TMEM117: variants seen among roughly 807,000 people sequenced by gnomAD.
TMEM117 encodes the protein transmembrane protein 117.
TMEM117 carries 27 observed loss-of-function variants against 52.4 expected under a neutral mutation model. That is an observed-to-expected ratio of 0.51 (90% CI 0.38 to 0.71). The LOEUF is 0.71. Among genes scored for constraint, TMEM117 ranks in the 30% least tolerant of loss-of-function variants. TMEM117 has a pLI of 0.00. For missense variants in TMEM117, 556 were observed against 630.5 expected, an observed-to-expected ratio of 0.88 and a Z score of 1.26; for synonymous variants, 215 against 206.3, an observed-to-expected ratio of 1.04 and a Z score of -0.36.
At chr12:44,265,866 G>T (rs984247845) in intron 5 of TMEM117, among the ~76,000 whole-genome samples, 1 of 151,998 alleles carries the variant, frequency 6.6e-6, no homozygotes, top group Non-Finnish European at 1.5e-5. Flanking sequence ...GGTATTTTTA[G>T]CTAGTCTTTC....
intron 4 of TMEM117, among the ~76,000 whole-genome samples, chr12:44,205,621 C>G (rs545222883): frequency 4.6e-5 from 7 of 152,156 alleles, no homozygotes; most frequent in Non-Finnish European, 8.8e-5. Context: ...AGACACTTAT[C>G]AAAGGAAGAC....
intron 5 of TMEM117, among the ~76,000 whole-genome samples, chr12:44,237,468 C>G (rs1342067072): frequency 2.6e-5 from 4 of 152,200 alleles, no homozygotes; most frequent in African/African-American, 9.6e-5. Flanking sequence ...GCCTGTAATC[C>G]TAGCACTCTG....
intron 3 of TMEM117, among the ~76,000 whole-genome samples, chr12:44,131,505 G>T (rs1278938823): frequency 6.6e-6 from 1 of 152,066 alleles, no homozygotes; most frequent in Non-Finnish European, 1.5e-5. Context: ...GGCAGAGTTT[G>T]CTCATCCTCT....
At chr12:44,281,674 A>G (rs1257193254) in intron 5 of TMEM117, among the ~76,000 whole-genome samples, 2 of 152,202 alleles carry the variant, frequency 1.3e-5, no homozygotes, top group Non-Finnish European at 2.9e-5. Flanking sequence ...AACTTGATAC[A>G]GTTAGTTAAG....
At position 44,152,844 on chromosome 12, in the gene TMEM117, A is replaced by AGGG. The variant is rs1265447025; in HGVS notation, c.510+9220_510+9221insGGG. ...TATAATGTATATATTGTATTTATAT[A>AGGG]AATACAATATATACATTATATTTAT... is the stretch of plus-strand genomic sequence containing the variant. On this transcript the variant is annotated intron_variant, in intron 4 of 7. Transcript: ENST00000266534. Among the ~76,000 whole-genome samples the AGGG allele has an allele frequency of 3.0e-4, 43 of 144,738 alleles. No individual in the cohort carries two copies. The East Asian group carries it at 5.5e-3, about 19-fold the overall frequency. The allele number at this position is 144,738 out of a possible 152,430, so 95.0% of individuals were successfully genotyped here.
chr12:43,889,169 G>A (rs1470682312), intron 2 of TMEM117, among the ~76,000 whole-genome samples: 1 of 150,520 alleles, frequency 6.6e-6, no homozygotes, highest in African/African-American at 2.5e-5. Flanking sequence ...TGCAACCTCC[G>A]CCTCCCGGGT....
intron 3 of TMEM117, among the ~76,000 whole-genome samples, chr12:44,013,272 A>G (rs1487490474): frequency 6.6e-6 from 1 of 152,058 alleles, no homozygotes; most frequent in Non-Finnish European, 1.5e-5. Context: ...TCAAGTGATC[A>G]GCCTGCAGCC....
At chr12:44,384,606 A>G (rs1317410669) in intron 7 of TMEM117, among the ~76,000 whole-genome samples, 2 of 152,206 alleles carry the variant, frequency 1.3e-5, no homozygotes, top group African/African-American at 4.8e-5. Flanking sequence ...GCATATTTAC[A>G]TAGAGCCACA....
chr12:43,848,403 C>A (rs773221542), intron 2 of TMEM117, among the ~76,000 whole-genome samples: 18 of 152,044 alleles, frequency 1.2e-4, no homozygotes, highest in Non-Finnish European at 2.4e-4. Context: ...CGTTTATAGA[C>A]CTCCCCCCAG....
At chr12:43,908,333 G>C (rs1448309927) in intron 2 of TMEM117, among the ~76,000 whole-genome samples, 2 of 74,320 alleles carry the variant, frequency 2.7e-5, no homozygotes, top group African/African-American at 5.9e-5. Context: ...CCCTAAAAGA[G>C]CTCCTGAAGG....
intron 3 of TMEM117, among the ~76,000 whole-genome samples, chr12:44,103,770 G>A (rs1947904157): frequency 1.3e-5 from 2 of 151,996 alleles, no homozygotes; most frequent in South Asian, 4.1e-4. Flanking sequence ...TGGCTGAGTC[G>A]ATACCATCAT....
chr12:43,901,291 C>CGTTTTTTGTTT (rs1944300069), intron 2 of TMEM117, among the ~76,000 whole-genome samples: 5 of 151,826 alleles, frequency 3.3e-5, no homozygotes, highest in Non-Finnish European at 5.9e-5. Context: ...TCATTTGCCC[C>CGTTTTTTGTTT]GTTTTTTGTT....
chr12:43,887,766 A>C (rs1387448462), intron 2 of TMEM117, among the ~76,000 whole-genome samples: 1 of 152,246 alleles, frequency 6.6e-6, no homozygotes, highest in African/African-American at 2.4e-5. Context: ...GGTAGCTTCA[A>C]TAGCCAGACA....
At chr12:43,821,109 A>AG in the TMEM117 span, among the ~76,000 whole-genome samples, 1 of 149,298 alleles carries the variant, frequency 6.7e-6, no homozygotes, top group African/African-American at 2.5e-5. Context: ...TAAAAAAAAA[A>AG]AAAAGAAAAA....
At chr12:44,394,897 G>A in the TMEM117 span, among the ~76,000 whole-genome samples, 1 of 152,142 alleles carries the variant, frequency 6.6e-6, no homozygotes, top group Non-Finnish European at 1.5e-5. Context: ...TGGAATCAGG[G>A]CAACACTTCA....
intron 3 of TMEM117, among the ~76,000 whole-genome samples, chr12:44,056,758 C>T (rs774140262): frequency 6.6e-6 from 1 of 152,182 alleles, no homozygotes; most frequent in Admixed American, 6.6e-5. Flanking sequence ...ATCTCTCTCT[C>T]TCTCTGTCTC....
chr12:43,899,725 A>G (rs1335388517), intron 2 of TMEM117, among the ~76,000 whole-genome samples: 3 of 152,128 alleles, frequency 2.0e-5, no homozygotes, highest in Non-Finnish European at 2.9e-5. Flanking sequence ...CCCAATACCC[A>G]CCACAGTGCA....
intron 3 of TMEM117, among the ~76,000 whole-genome samples, chr12:44,061,216 A>ATG (rs1947133538): frequency 6.6e-6 from 1 of 152,142 alleles, no homozygotes; most frequent in African/African-American, 2.4e-5. Context: ...GTGTGAAAAA[A>ATG]TGTTACAGTG....
chr12:44,164,820 G>A (rs1948943546), intron 4 of TMEM117, among the ~76,000 whole-genome samples: 1 of 152,022 alleles, frequency 6.6e-6, no homozygotes, highest in Admixed American at 6.6e-5. Context: ...ACATACTTAT[G>A]GATACATGTG....
Sources: allele counts gnomAD v4.1 joint callset (sites outside exome capture counted in the v4.1 genomes callset), GRCh38; gene constraint gnomAD v4.1.1; transcripts MANE v1.5; gene names NCBI Gene and HGNC (gene_info 2026-07-23, HGNC 2026-07-21).